NEK5: variants seen among roughly 807,000 people sequenced by gnomAD.
NEK5 encodes serine/threonine-protein kinase Nek5.
NEK5 carries 88 observed loss-of-function variants against 109.2 expected under a neutral mutation model. The ratio of observed to expected loss-of-function variants is 0.81; its 90% CI spans 0.68 to 0.96. The LOEUF is 0.96. NEK5 is among the 40% of genes least tolerant of loss of function. The probability of loss-of-function intolerance (pLI) is 0.00; values close to 1 mark genes in which losing one functional copy is unlikely to be tolerated. For missense variants in NEK5, 834 were observed against 920.7 expected, an observed-to-expected ratio of 0.91 and a Z score of 1.22; for synonymous variants, 283 against 299.9, an observed-to-expected ratio of 0.94 and a Z score of 0.58.
intron 4 of NEK5, among the ~76,000 whole-genome samples, chr13:52,113,578 T>G (rs1264129509): frequency 6.6e-6 from 1 of 151,976 alleles, no homozygotes; most frequent in African/African-American, 2.4e-5. Flanking sequence ...TGCTCCGTAT[T>G]AAAGAAAAGA....
rs575507853 is a variant in NEK5 at position 52,125,456 on chromosome 13, G to A, written c.117+1910C>T. Among the ~76,000 whole-genome samples, 312 of 152,260 alleles carry A rather than the reference G, an allele frequency of 2.0e-3. 1 individual carries two copies. The highest frequency in any genetic ancestry group is 3.7e-3 in the Non-Finnish European group (253 of 68,018). On this transcript the variant is annotated intron_variant, in intron 3 of 23. Transcript: ENST00000684899. ...CGGGCGCCTGTAGTCCCAGCTACTC[G>A]GGAGGCTGAGGCAGGAGAATGGCAT...
intron 22 of NEK5, among the ~76,000 whole-genome samples, chr13:52,051,104 T>G (rs1954502421): frequency 6.6e-6 from 1 of 151,686 alleles, no homozygotes; most frequent in Non-Finnish European, 1.5e-5. Context: ...TCAGGTTAAT[T>G]AAAAGTTTAA....
chr13:52,099,702 C>T, intron 12 of NEK5, 41 bp downstream of exon 12: 1 of 1,599,652 alleles, frequency 6.3e-7, no homozygotes, highest in Non-Finnish European at 8.5e-7. Flanking sequence ...AAAGCATATA[C>T]CATAGCTAAA....
rs1954353057 is a variant in NEK5, at chr13:52,035,523, TGTTAAGC to T, written c.*1418_*1424del. On this transcript the variant is annotated 3_prime_UTR_variant, in exon 24 of 24. Transcript: ENST00000684899. ...ACTCCTTAGTATTTAAATAAACATC[TGTTAAGC>T]TCCAGGCCATGTTCAACGTTGGAAT... The T allele has an allele frequency of 6.6e-6, 1 of 152,204 alleles. No individual in the cohort carries two copies. The highest frequency in any genetic ancestry group is 1.5e-5 in the Non-Finnish European group (1 of 68,036). The allele number at this position is 152,204 out of a possible 1,614,324, so 9.4% of individuals were successfully genotyped here.
chr13:52,084,790 T>A (rs1257504509), intron 16 of NEK5, among the ~76,000 whole-genome samples: 2 of 147,438 alleles, frequency 1.4e-5, no homozygotes, highest in African/African-American at 2.5e-5. Context: ...TGTGTGTGTG[T>A]GTGTGTGTGT....
chr13:52,060,819 A>T (rs897680467), intron 22 of NEK5, among the ~76,000 whole-genome samples: 4 of 152,172 alleles, frequency 2.6e-5, no homozygotes, highest in Non-Finnish European at 4.4e-5. Context: ...ACACTTGAAT[A>T]TCTGATATAA....
intron 12 of NEK5, among the ~76,000 whole-genome samples, chr13:52,093,922 A>G (rs74087055): frequency 0.013 from 1,974 of 152,368 alleles, 48 homozygotes; most frequent in African/African-American, 0.045. Flanking sequence ...AATAAAAAGC[A>G]TAGTGAAACT....
chr13:52,115,096 T>C lies in NEK5; in HGVS notation c.215-2731A>G, dbSNP rs1344976655. Among the ~76,000 whole-genome samples, 7 of 150,908 alleles carry C rather than the reference T, an allele frequency of 4.6e-5. No homozygotes were observed. In the East Asian group the frequency reaches 1.4e-3, roughly 30 times the overall value. On this transcript the variant is annotated intron_variant, in intron 4 of 23. Coordinates refer to ENST00000684899, the MANE Select transcript of NEK5 (RefSeq NM_001365552.1). ...GGCGCAATCTCGGCTCACTGCAAGC[T>C]CCGCCTCCTGGGTTCACGCCATTCT...
chr13:52,099,574 G>A (rs1290695226), intron 12 of NEK5, among the ~76,000 whole-genome samples, 169 bp downstream of exon 12: 1 of 152,184 alleles, frequency 6.6e-6, no homozygotes, highest in African/African-American at 2.4e-5. Flanking sequence ...GGAGGCTGGG[G>A]CAGAAGAATT....
At chr13:52,128,209 G>A (rs115783179) in intron 1 of NEK5, among the ~76,000 whole-genome samples, 2,333 of 150,888 alleles carry the variant, frequency 0.015, 72 homozygotes, top group Admixed American at 0.081. Context: ...TTTTTTTCGA[G>A]GAATGCAACT....
At chr13:52,071,860 G>C (rs946808142) in intron 20 of NEK5, 84 bp downstream of exon 20, 2 of 1,204,580 alleles carry the variant, frequency 1.7e-6, no homozygotes, top group Non-Finnish European at 2.4e-6. Flanking sequence ...CAGTGGAGCC[G>C]AGGCAGATGC....
chr13:52,079,589 G>C (rs1398980465), intron 17 of NEK5, among the ~76,000 whole-genome samples: 10 of 151,948 alleles, frequency 6.6e-5, no homozygotes, highest in African/African-American at 2.4e-4. Context: ...GACGGAGTCT[G>C]GTTCACTCAG....
intron 22 of NEK5, among the ~76,000 whole-genome samples, chr13:52,054,935 C>T (rs1333832730): frequency 6.6e-6 from 1 of 152,272 alleles, no homozygotes; most frequent in Admixed American, 6.5e-5. Context: ...AGCAACAGAA[C>T]AAAGCTGGAC....
intron 8 of NEK5, 72 bp downstream of exon 8, chr13:52,108,246 T>C (rs1341696035): frequency 4.7e-6 from 4 of 845,536 alleles, no homozygotes; most frequent in Admixed American, 2.2e-5. Flanking sequence ...TGAATTTTAG[T>C]TTCTGGAATC....
chr13:52,108,262 T>C, intron 8 of NEK5, 56 bp downstream of exon 8: 1 of 939,294 alleles, frequency 1.1e-6, no homozygotes, highest in Non-Finnish European at 1.7e-6. Context: ...GAATCTTCAT[T>C]CAGTGTCATC....
Position 52,076,048 on chromosome 13 carries a change from A to T in NEK5, c.1653+15T>A, listed in dbSNP as rs1339604150. 6.6e-7 allele frequency: 1 copy of T among 1,516,706 alleles called. No homozygotes were observed. Among genetic ancestry groups the T allele is most frequent in the Non-Finnish European group, 9.1e-7 (1 of 1,100,944 alleles). The allele number at this position is 1,516,706 out of a possible 1,614,324, so 94.0% of individuals were successfully genotyped here. A position where few individuals can be genotyped will look rare whatever the true frequency, so the allele number is the denominator to read the frequency against. On this transcript the variant is annotated intron_variant, in intron 18 of 23. Transcript: ENST00000684899. Reference sequence around the variant, plus strand: ...GCTATTTAATATGGAACCCAAAGACAAAAGTATTTCTTACCTTAGCTTTAT... The same window carrying T: ...GCTATTTAATATGGAACCCAAAGACTAAAGTATTTCTTACCTTAGCTTTAT...
chr13:52,046,753 C>G (rs1954463218), intron 23 of NEK5, among the ~76,000 whole-genome samples: 1 of 151,550 alleles, frequency 6.6e-6, no homozygotes. Context: ...ATCCTAGAAT[C>G]TTTGTTTTAT....
chr13:52,118,336 G>A (rs1189154789), intron 4 of NEK5, among the ~76,000 whole-genome samples: 1 of 152,168 alleles, frequency 6.6e-6, no homozygotes, highest in East Asian at 1.9e-4. Context: ...ATACAGCCCT[G>A]TCACAACTTA....
chr13:52,085,454 A>C (rs1955123230), intron 16 of NEK5, among the ~76,000 whole-genome samples: 1 of 152,206 alleles, frequency 6.6e-6, no homozygotes, highest in Non-Finnish European at 1.5e-5. Flanking sequence ...TGCACCATAC[A>C]TTCATTTGAC....
Sources: gnomAD v4.1 joint callset for allele counts (sites outside exome capture counted in the v4.1 genomes callset) on GRCh38, gnomAD v4.1.1 for gene constraint, MANE v1.5 for transcripts, NCBI Gene and HGNC (gene_info 2026-07-23, HGNC 2026-07-21) for gene names.